SCAPER: variants seen among roughly 807,000 people sequenced by gnomAD.
The protein encoded by SCAPER is S phase cyclin A-associated protein in the endoplasmic reticulum.
Under a neutral mutation model 182.2 loss-of-function variants are expected in SCAPER, and 98 were observed. The observed-to-expected ratio is 0.54, with a 90% CI of 0.46 to 0.64. SCAPER has a LOEUF of 0.64. Ranked by LOEUF, SCAPER falls within the 30% of genes least tolerant of loss-of-function variation. SCAPER has a pLI of 0.00. For missense variants in SCAPER, 1,432 were observed against 1,690.0 expected (o/e 0.85, Z 2.68); for synonymous variants, 605 against 564.6 (o/e 1.07, Z -1.01).
At chr15:76,399,025 G>C (rs2044271817) in intron 27 of SCAPER, among the ~76,000 whole-genome samples, 1 of 152,162 alleles carries the variant, frequency 6.6e-6, no homozygotes, top group Non-Finnish European at 1.5e-5. Context: ...GACCCAATGA[G>C]CCTCAACCAA....
intron 16 of SCAPER, 57 bp downstream of exon 16, chr15:76,733,172 G>T: frequency 1.3e-6 from 2 of 1,507,022 alleles, no homozygotes; most frequent in Non-Finnish European, 9.0e-7. Context: ...CTGCGGGGCT[G>T]GACCCTACAA....
At chr15:76,831,321 G>A (rs1437070570) in intron 5 of SCAPER, among the ~76,000 whole-genome samples, 3 of 151,892 alleles carry the variant, frequency 2.0e-5, no homozygotes, top group African/African-American at 4.8e-5. Context: ...ACACACACTC[G>A]CAACACAGCC....
chr15:76,814,645 A>G (rs1235777603), intron 5 of SCAPER, among the ~76,000 whole-genome samples: 1 of 152,204 alleles, frequency 6.6e-6, no homozygotes, highest in Non-Finnish European at 1.5e-5. Flanking sequence ...ATGAGACCTG[A>G]AACTATAAAA....
intron 21 of SCAPER, among the ~76,000 whole-genome samples, chr15:76,651,896 T>C (rs1446526084): frequency 1.3e-5 from 2 of 148,974 alleles, no homozygotes; most frequent in Admixed American, 6.7e-5. Context: ...GCAAATAAAA[T>C]CCAGCAGCAC....
At chr15:76,363,810 A>G (rs2141762606) in intron 29 of SCAPER, among the ~76,000 whole-genome samples, 1 of 152,316 alleles carries the variant, frequency 6.6e-6, no homozygotes, top group African/African-American at 2.4e-5. Context: ...CCTCTCCACA[A>G]AACTGGTCCT....
intron 5 of SCAPER, among the ~76,000 whole-genome samples, chr15:76,834,248 T>C (rs938606489): frequency 1.3e-5 from 2 of 152,198 alleles, no homozygotes; most frequent in Non-Finnish European, 2.9e-5. Flanking sequence ...ATGAGTCATT[T>C]TTGGATAAGC....
At position 76,818,098 on chromosome 15, in the gene SCAPER, C is replaced by A. The variant is rs547963121; in HGVS notation, c.394-13465G>T. ...ACAGGGTGGTACTAGGATAAAAGACCAACAGGTCAATGGAACAGAACAAAG... is the reference window on the plus strand; with the variant it reads ...ACAGGGTGGTACTAGGATAAAAGACAAACAGGTCAATGGAACAGAACAAAG... On this transcript the variant is annotated intron_variant, in intron 5 of 31. Transcript: ENST00000563290. Among the ~76,000 whole-genome samples the A allele has an allele frequency of 2.0e-5, 3 of 152,144 alleles. No homozygotes were observed. In the South Asian group the frequency reaches 6.2e-4, roughly 32 times the overall value.
chr15:76,489,553 C>T (rs1345011528), intron 24 of SCAPER, among the ~76,000 whole-genome samples: 1 of 151,904 alleles, frequency 6.6e-6, no homozygotes, highest in Non-Finnish European at 1.5e-5. Flanking sequence ...TGGCTTTTTT[C>T]ACTTAGCACA....
chr15:76,639,368 T>C (rs1214635639), intron 21 of SCAPER, among the ~76,000 whole-genome samples: 2 of 152,200 alleles, frequency 1.3e-5, no homozygotes, highest in Non-Finnish European at 2.9e-5. Flanking sequence ...CCCTATTATA[T>C]CATAGATTTA....
At chr15:76,752,859 A>T (rs1329937099) in intron 15 of SCAPER, among the ~76,000 whole-genome samples, 4 of 151,574 alleles carry the variant, frequency 2.6e-5, no homozygotes, top group Admixed American at 6.6e-5. Context: ...CTTAACAATG[A>T]TTCAGATGAT....
rs564256806 is a variant in SCAPER, at chr15:76,387,940, A to G, written c.3468-6325T>C. On this transcript the variant is annotated intron_variant, in intron 27 of 31. Coordinates refer to ENST00000563290, the MANE Select transcript of SCAPER (RefSeq NM_020843.4). ...TAGGTGCCTACCAGTTCAAATGAGAAAACAGCACTGCTTGATCACCAAAGA... is the reference window on the plus strand; with the variant it reads ...TAGGTGCCTACCAGTTCAAATGAGAGAACAGCACTGCTTGATCACCAAAGA... Among the ~76,000 whole-genome samples the G allele has an allele frequency of 3.5e-4, 53 of 152,318 alleles. 1 individual carries two copies. The South Asian group carries it at 0.011, about 30-fold the overall frequency.
intron 23 of SCAPER, among the ~76,000 whole-genome samples, chr15:76,549,182 T>C (rs1339280022): frequency 6.6e-6 from 1 of 152,082 alleles, no homozygotes; most frequent in Non-Finnish European, 1.5e-5. Context: ...GCAAAACCAT[T>C]GTGGAAGTCA....
At chr15:76,648,411 T>A (rs2054735200) in intron 21 of SCAPER, among the ~76,000 whole-genome samples, 1 of 152,054 alleles carries the variant, frequency 6.6e-6, no homozygotes, top group African/African-American at 2.4e-5. Flanking sequence ...CTGTATTAAG[T>A]ACAACTGGAA....
chr15:76,674,589 C>T (rs950874656), intron 20 of SCAPER, among the ~76,000 whole-genome samples: 2 of 152,096 alleles, frequency 1.3e-5, no homozygotes, highest in African/African-American at 4.8e-5. Flanking sequence ...CAGAAAAGAG[C>T]CTGTAACAAC....
Position 76,621,814 on chromosome 15 carries a change from C to T in SCAPER, c.2661G>A (p.Glu887=). 1 of 1,606,192 alleles carries T rather than the reference C, an allele frequency of 6.2e-7. No individual in the cohort carries two copies. ...CAGAATTTTTGGTTTCCATTAAACT[C>T]TCATATTCCTTAGCCCTGAAGAGAA... ...ARMNFRAKEY[E]SLMETKNSGS... The change falls in exon 22 of 32, where the codon GAG becomes GAA. Residue 887 remains glutamate (E), a synonymous_variant. Coordinates refer to ENST00000563290, the MANE Select transcript of SCAPER (RefSeq NM_020843.4).
intron 24 of SCAPER, among the ~76,000 whole-genome samples, chr15:76,500,758 TG>T (rs2041033828): frequency 6.6e-6 from 1 of 152,166 alleles, no homozygotes; most frequent in Non-Finnish European, 1.5e-5. Flanking sequence ...GTCATTCATT[TG>T]TCTGTACTTG....
At chr15:76,387,470 CA>C (rs1305877015) in intron 27 of SCAPER, among the ~76,000 whole-genome samples, 1 of 152,132 alleles carries the variant, frequency 6.6e-6, no homozygotes, top group Non-Finnish European at 1.5e-5. Context: ...TACACAAGCC[CA>C]AATTCAGAGG....
intron 24 of SCAPER, among the ~76,000 whole-genome samples, chr15:76,484,594 A>G (rs2051436349): frequency 6.6e-6 from 1 of 152,064 alleles, no homozygotes; most frequent in Non-Finnish European, 1.5e-5. Flanking sequence ...TATTGAAACT[A>G]TTCCAAAAAA....
At chr15:76,563,108 C>T (rs1206557402) in intron 23 of SCAPER, among the ~76,000 whole-genome samples, 1 of 152,044 alleles carries the variant, frequency 6.6e-6, no homozygotes, top group East Asian at 1.9e-4. Context: ...AATAGTTTAT[C>T]ATAAAATGCA....
Sources: gnomAD v4.1 joint callset for allele counts (sites outside exome capture counted in the v4.1 genomes callset) on GRCh38, gnomAD v4.1.1 for gene constraint, MANE v1.5 for transcripts, NCBI Gene and HGNC (gene_info 2026-07-23, HGNC 2026-07-21) for gene names.